KLF7: variants seen among roughly 807,000 people sequenced by gnomAD.
KLF7 encodes Krueppel-like factor 7.
In KLF7, 2 loss-of-function variants were observed where a neutral mutation model predicts 27.3. That is an observed-to-expected ratio of 0.07 (90% CI 0.03 to 0.23). The LOEUF is 0.23. KLF7 is among the 10% of genes least tolerant of loss of function. The probability of loss-of-function intolerance (pLI) is 1.00; values close to 1 mark genes in which losing one functional copy is unlikely to be tolerated. For synonymous variants in KLF7, 165 were observed against 162.4 expected (o/e 1.02, Z -0.12); for missense variants, 221 against 394.1 (o/e 0.56, Z 3.72).
At chr2:207,143,219 A>G (rs1283264705) in intron 1 of KLF7, among the ~76,000 whole-genome samples, 7 of 152,214 alleles carry the variant, frequency 4.6e-5, no homozygotes, top group Admixed American at 4.6e-4. Flanking sequence ...AATTAAACTC[A>G]TCTCTGATTT....
chr2:207,163,136 T>C (rs932078358), intron 1 of KLF7, among the ~76,000 whole-genome samples: 10 of 152,332 alleles, frequency 6.6e-5, no homozygotes, highest in African/African-American at 2.4e-4. Context: ...TGTAAACCTA[T>C]GGTCCTAGTC....
At chr2:207,103,884 T>A (rs188068807) in intron 2 of KLF7, among the ~76,000 whole-genome samples, 63 of 152,354 alleles carry the variant, frequency 4.1e-4, no homozygotes, top group Non-Finnish European at 7.3e-4. Flanking sequence ...AAACATTTTA[T>A]CCCAAAATCC....
intron 1 of KLF7, among the ~76,000 whole-genome samples, chr2:207,139,315 C>T (rs1419420597): frequency 6.6e-6 from 1 of 152,152 alleles, no homozygotes; most frequent in East Asian, 1.9e-4. Flanking sequence ...ATCTGGTAAT[C>T]TTGTAACCTT....
rs1250730623 is a variant in KLF7, at chr2:207,163,541, C to CA, written c.102+1925dup. Among the ~76,000 whole-genome samples the CA allele has an allele frequency of 3.9e-5, 6 of 152,262 alleles. 1 individual carries two copies. The South Asian group carries it at 1.0e-3, about 26-fold the overall frequency. On this transcript the variant is annotated intron_variant, in intron 1 of 3. Transcript: ENST00000309446. ...TAGAGTTTGTCCTGGATGGTCTAGC[C>CA]AGATCTAGAAAAGCAGGTTTCCTGT...
rs146871302 is a variant in KLF7, at chr2:207,129,855, A to C, written c.103-5451T>G. Among the ~76,000 whole-genome samples the C allele has an allele frequency of 6.3e-3, 965 of 152,274 alleles. 12 individuals carry two copies. Among genetic ancestry groups the C allele is most frequent in the African/African-American group, 0.022 (929 of 41,530 alleles). ...TCATTTTTTGTTGCTCAGAGGCAGA[A>C]TTTTCCAGAGACAGAAGTTGAAAGA... On this transcript the variant is annotated intron_variant, in intron 1 of 3. Coordinates refer to ENST00000309446, the MANE Select transcript of KLF7 (RefSeq NM_003709.4).
intron 1 of KLF7, among the ~76,000 whole-genome samples, chr2:207,136,679 T>C (rs2077798782): frequency 6.6e-6 from 1 of 152,196 alleles, no homozygotes; most frequent in African/African-American, 2.4e-5. Context: ...AGGGATTTAG[T>C]GTATGTACCA....
At chr2:207,167,804 G>T (rs867017350), upstream of KLF7, among the ~76,000 whole-genome samples, 1 of 152,168 alleles carries the variant, frequency 6.6e-6, no homozygotes, top group Non-Finnish European at 1.5e-5. Flanking sequence ...TGGGATCCGC[G>T]TTGTCTAGTT....
chr2:207,111,111 TC>T (rs1317198057), intron 2 of KLF7, among the ~76,000 whole-genome samples: 1 of 152,086 alleles, frequency 6.6e-6, no homozygotes, highest in African/African-American at 2.4e-5. Flanking sequence ...GGAAAAAATC[TC>T]CCCTGGTTGA....
intron 2 of KLF7, among the ~76,000 whole-genome samples, chr2:207,108,941 T>C (rs1004543983): frequency 4.6e-5 from 7 of 152,174 alleles, no homozygotes; most frequent in African/African-American, 1.7e-4. Flanking sequence ...ATACAACTCA[T>C]ACACCAAGAT....
chr2:207,084,270 C>T (rs1432597666), intron 3 of KLF7, among the ~76,000 whole-genome samples: 1 of 152,028 alleles, frequency 6.6e-6, no homozygotes, highest in African/African-American at 2.4e-5. Context: ...CCTTTCCTTT[C>T]CTTTCTATAT....
Position 207,153,758 on chromosome 2 carries a change from G to T in KLF7, c.102+11709C>A, listed in dbSNP as rs186508489. Among the ~76,000 whole-genome samples, 191 of 152,222 alleles carry T rather than the reference G, an allele frequency of 1.3e-3. 1 individual carries two copies. The highest frequency in any genetic ancestry group is 4.3e-3 in the Admixed American group (66 of 15,284). On this transcript the variant is annotated intron_variant, in intron 1 of 3. Coordinates refer to ENST00000309446, the MANE Select transcript of KLF7 (RefSeq NM_003709.4). The stretch of plus-strand genomic sequence containing the variant: ...AGAACATCCTCCCTTGGGGCAGCTG[G>T]AAAGAGACTAGACAAAGAACTGAAA...
chr2:207,120,243 T>A (rs974876160), intron 2 of KLF7, among the ~76,000 whole-genome samples: 3 of 152,222 alleles, frequency 2.0e-5, no homozygotes, highest in Middle Eastern at 3.4e-3. Context: ...GGATTCAGCA[T>A]CCTCAAAAAA....
intron 1 of KLF7, chr2:207,148,906 C>T (rs1467903053): frequency 1.7e-6 from 1 of 596,194 alleles, no homozygotes; most frequent in Non-Finnish European, 2.2e-6. Flanking sequence ...GATCTCCTAT[C>T]ACCCCTCCAC....
At chr2:207,083,204 T>A (rs6760608) in intron 3 of KLF7, among the ~76,000 whole-genome samples, 2,467 of 152,272 alleles carry the variant, frequency 0.016, 76 homozygotes, top group African/African-American at 0.055. Flanking sequence ...GAAAAATCAA[T>A]ACAGCCCGCA....
chr2:207,127,926 CAT>C (rs1358079004), intron 1 of KLF7, among the ~76,000 whole-genome samples: 1 of 152,094 alleles, frequency 6.6e-6, no homozygotes, highest in South Asian at 2.1e-4. Context: ...CACATACATA[CAT>C]AGAGAAATAA....
At chr2:207,161,233 C>A (rs7568824) in intron 1 of KLF7, among the ~76,000 whole-genome samples, 36,899 of 152,090 alleles carry the variant, frequency 0.24, 5,208 homozygotes, top group Middle Eastern at 0.32. Flanking sequence ...TTAGTGATTG[C>A]ATCTTCATAA....
chr2:207,135,795 C>G (rs2077767937), intron 1 of KLF7, among the ~76,000 whole-genome samples: 1 of 151,912 alleles, frequency 6.6e-6, no homozygotes, highest in South Asian at 2.1e-4. Flanking sequence ...GTGTTATTTA[C>G]TTGTCTCTAA....
At chr2:207,109,000 G>A (rs1214204185) in intron 2 of KLF7, among the ~76,000 whole-genome samples, 1 of 152,130 alleles carries the variant, frequency 6.6e-6, no homozygotes, top group Non-Finnish European at 1.5e-5. Context: ...CTCCATTTGG[G>A]TTTTCCAGCT....
intron 2 of KLF7, among the ~76,000 whole-genome samples, chr2:207,091,384 T>C (rs1263618): frequency 0.4 from 61,022 of 152,032 alleles, 13,867 homozygotes; most frequent in African/African-American, 0.62. Context: ...AAACTGCAGA[T>C]AGCTTGACTT....
Sources: allele counts gnomAD v4.1 joint callset (sites outside exome capture counted in the v4.1 genomes callset), GRCh38; gene constraint gnomAD v4.1.1; transcripts MANE v1.5; gene names NCBI Gene and HGNC (gene_info 2026-07-23, HGNC 2026-07-21).